The following NCKAP5 variants were observed in gnomAD, a reference collection of about 807,000 sequenced individuals.
The protein encoded by NCKAP5 is nck-associated protein 5.
In NCKAP5, 92 loss-of-function variants were observed where a neutral mutation model predicts 167.0. The ratio of observed to expected loss-of-function variants is 0.55; its 90% CI spans 0.47 to 0.66. NCKAP5 has a LOEUF of 0.66. NCKAP5 is among the 30% of genes least tolerant of loss of function. NCKAP5 has a pLI of 0.00. For synonymous variants in NCKAP5, 891 were observed against 877.4 expected, an observed-to-expected ratio of 1.02 and a Z score of -0.27; for missense variants, 2,378 against 2,315.0, an observed-to-expected ratio of 1.03 and a Z score of -0.56.
intron 3 of NCKAP5, among the ~76,000 whole-genome samples, chr2:133,401,145 G>A (rs1260816454): frequency 6.6e-6 from 1 of 152,142 alleles, no homozygotes; most frequent in Non-Finnish European, 1.5e-5. Flanking sequence ...CTATGTAACA[G>A]AACGTCCACA....
At chr2:133,545,612 C>T (rs79737499) in intron 2 of NCKAP5, among the ~76,000 whole-genome samples, 132 of 152,214 alleles carry the variant, frequency 8.7e-4, no homozygotes, top group African/African-American at 3.1e-3. Flanking sequence ...CACCTAGCAC[C>T]CACTACTAGA....
Position 132,673,101 on chromosome 2 carries a change from C to T in NCKAP5, c.*188G>A. ...GAATCACTCAAAGATTCCAAGTTGT[C>T]TACCCCAGGCCTATCTGAACTACTC... is the stretch of plus-strand genomic sequence containing the variant. On this transcript the variant is annotated 3_prime_UTR_variant, in exon 20 of 20. Coordinates refer to ENST00000409261, the MANE Select transcript of NCKAP5 (RefSeq NM_207363.3). 1 of 1,246,862 alleles carries T rather than the reference C, an allele frequency of 8.0e-7. No individual in the cohort carries two copies. The highest frequency in any genetic ancestry group is 3.2e-5 in the East Asian group (1 of 30,770). The allele number at this position is 1,246,862 out of a possible 1,614,324, so 77.2% of individuals were successfully genotyped here.
intron 11 of NCKAP5, among the ~76,000 whole-genome samples, chr2:132,816,139 A>G (rs987065672): frequency 6.6e-6 from 1 of 152,110 alleles, no homozygotes; most frequent in African/African-American, 2.4e-5. Context: ...AATTCAAGAG[A>G]TGGAGCTCTT....
the NCKAP5 span, among the ~76,000 whole-genome samples, chr2:133,614,351 G>A: frequency 0.59 from 89,634 of 151,912 alleles, 28,435 homozygotes; most frequent in Middle Eastern, 0.78. Flanking sequence ...AAATTACTCC[G>A]AGCTACGGGA....
intron 6 of NCKAP5, among the ~76,000 whole-genome samples, chr2:133,108,299 A>G (rs2081786503): frequency 1.3e-5 from 2 of 152,192 alleles, no homozygotes; most frequent in African/African-American, 4.8e-5. Context: ...GAAATGCTAG[A>G]GGACAGTATC....
chr2:132,974,640 G>A (rs1406933777), intron 7 of NCKAP5, among the ~76,000 whole-genome samples: 6 of 152,196 alleles, frequency 3.9e-5, no homozygotes, highest in African/African-American at 1.4e-4. Context: ...ACTTTGACAT[G>A]CATGTACAGA....
At chr2:133,429,581 T>C (rs1420328692) in intron 3 of NCKAP5, among the ~76,000 whole-genome samples, 1 of 152,180 alleles carries the variant, frequency 6.6e-6, no homozygotes, top group East Asian at 1.9e-4. Flanking sequence ...TTGTTTTCTT[T>C]TTCTGTGTTA....
intron 3 of NCKAP5, among the ~76,000 whole-genome samples, chr2:133,422,398 C>A (rs557319970): frequency 6.6e-6 from 1 of 152,132 alleles, no homozygotes; most frequent in South Asian, 2.1e-4. Flanking sequence ...GTGTCCTGAA[C>A]AAAGATGTCT....
chr2:132,944,519 G>A (rs1434838504), intron 8 of NCKAP5, among the ~76,000 whole-genome samples: 1 of 152,148 alleles, frequency 6.6e-6, no homozygotes, highest in Non-Finnish European at 1.5e-5. Context: ...AAGAGCTTGA[G>A]TAACTTGTCC....
At chr2:133,009,728 A>G (rs1160519805) in intron 6 of NCKAP5, among the ~76,000 whole-genome samples, 1 of 152,196 alleles carries the variant, frequency 6.6e-6, no homozygotes, top group African/African-American at 2.4e-5. Flanking sequence ...TTAATGTATT[A>G]AGAGCCAGAA....
chr2:132,686,571 G>C (rs1444968172), intron 19 of NCKAP5, among the ~76,000 whole-genome samples: 1 of 152,142 alleles, frequency 6.6e-6, no homozygotes, highest in Non-Finnish European at 1.5e-5. Flanking sequence ...CTGGCATATA[G>C]GTGGTCCATA....
intron 11 of NCKAP5, among the ~76,000 whole-genome samples, chr2:132,836,659 T>C (rs1687909271): frequency 6.6e-6 from 1 of 152,172 alleles, no homozygotes; most frequent in African/African-American, 2.4e-5. Context: ...CAGTATACAC[T>C]GCACCATATA....
At chr2:133,061,338 G>A (rs578126950) in intron 6 of NCKAP5, among the ~76,000 whole-genome samples, 3 of 152,254 alleles carry the variant, frequency 2.0e-5, no homozygotes, top group Admixed American at 6.5e-5. Flanking sequence ...GGGCCCCCAC[G>A]CTAGGCACCG....
chr2:132,697,302 C>T (rs564790552), intron 19 of NCKAP5, among the ~76,000 whole-genome samples: 1 of 152,304 alleles, frequency 6.6e-6, no homozygotes, highest in Non-Finnish European at 1.5e-5. Context: ...AGTTCACACA[C>T]CCCTGATAAG....
chr2:133,349,451 A>G (rs1052458152), intron 3 of NCKAP5, among the ~76,000 whole-genome samples: 3 of 152,332 alleles, frequency 2.0e-5, no homozygotes, highest in African/African-American at 7.2e-5. Context: ...GCAAGTTTGC[A>G]GTCTTCCTTG....
At chr2:133,228,969 G>C (rs963301619) in intron 4 of NCKAP5, among the ~76,000 whole-genome samples, 1 of 152,112 alleles carries the variant, frequency 6.6e-6, no homozygotes, top group Non-Finnish European at 1.5e-5. Context: ...AAAAATAAAA[G>C]AACCTAATAA....
chr2:133,620,500 A>G, the NCKAP5 span, among the ~76,000 whole-genome samples: 1 of 152,174 alleles, frequency 6.6e-6, no homozygotes, highest in Non-Finnish European at 1.5e-5. Flanking sequence ...CAAATATTAA[A>G]GCAACAGCAG....
chr2:132,785,337 G>A lies in NCKAP5; in HGVS notation c.1474C>T (p.Pro492Ser). The A allele has an allele frequency of 1.2e-6, 2 of 1,613,626 alleles. No individual in the cohort carries two copies. Among genetic ancestry groups the A allele is most frequent in the Non-Finnish European group, 1.7e-6 (2 of 1,179,696 alleles). The change falls in exon 14 of 20, where the codon CCA becomes TCA. Residue 492 changes from proline (P) to serine (S), a missense_variant. By Grantham distance (74) the Pro-to-Ser change is moderately conservative. This residue lies in a region of NCKAP5 where 1,049 missense variants were observed against 1,023.4 expected (regional missense o/e 1.02). Coordinates refer to ENST00000409261, the MANE Select transcript of NCKAP5 (RefSeq NM_207363.3). ...CCATGTGGCCTGCAGCTCTGGTTTG[G>A]AACTGCTTGGAGCAATGCTAAGGTG... Reference protein sequence around the residue: ...PSTLALLQAVPNQSCRPHGSK... With the variant: ...PSTLALLQAVSNQSCRPHGSK...
intron 3 of NCKAP5, among the ~76,000 whole-genome samples, chr2:133,387,138 A>G (rs1553630412): frequency 2.0e-5 from 3 of 151,964 alleles, no homozygotes; most frequent in Non-Finnish European, 1.5e-5. Flanking sequence ...TTCCTCCTAA[A>G]CTTGATGGTC....
Sources: allele counts gnomAD v4.1 joint callset (sites outside exome capture counted in the v4.1 genomes callset), GRCh38; gene constraint gnomAD v4.1.1; regional missense constraint gnomAD v4.1.1; transcripts MANE v1.5; gene names NCBI Gene and HGNC (gene_info 2026-07-23, HGNC 2026-07-21).